The following TMEM45B variants were observed in gnomAD, a reference collection of about 807,000 sequenced individuals.
The protein encoded by TMEM45B is transmembrane protein 45B.
Under a neutral mutation model 27.3 loss-of-function variants are expected in TMEM45B, and 29 were observed. The observed-to-expected ratio is 1.06, with a 90% CI of 0.79 to 1.45. The LOEUF (loss-of-function observed/expected upper bound fraction) is 1.45. Ranked by LOEUF, TMEM45B falls within the 40% of genes most tolerant of loss-of-function variation. The pLI is 0.00. For synonymous variants in TMEM45B, 143 were observed against 134.7 expected (o/e 1.06, Z -0.43); for missense variants, 348 against 343.9 (o/e 1.01, Z -0.09).
chr11:129,827,311 A>G (rs1947497065), intron 1 of TMEM45B, among the ~76,000 whole-genome samples: 1 of 152,226 alleles, frequency 6.6e-6, no homozygotes, highest in South Asian at 2.1e-4. Context: ...CCTACTACAC[A>G]TCTAGGCTAT....
rs1429286603 is a variant in TMEM45B, at chr11:129,855,690, C to A, written c.386-18C>A. ...AAGCCAAGCGTAGCCCTGACAGCTG[C>A]CATCTGGTTTGTGGCAGGTTTCCTC... is the stretch of plus-strand genomic sequence containing the variant. On this transcript the variant is annotated intron_variant, in intron 3 of 5. Transcript: ENST00000281441. 3.7e-6 allele frequency: 6 copies of A among 1,613,400 alleles called. No homozygotes were observed. The African/African-American group carries it at 8.0e-5, about 22-fold the overall frequency.
chr11:129,854,933 C>T (rs1947900292), intron 3 of TMEM45B, 117 bp downstream of exon 3: 1 of 1,242,910 alleles, frequency 8.0e-7, no homozygotes, highest in Non-Finnish European at 1.1e-6. Flanking sequence ...AGAAAATCCA[C>T]ATCTCTGGAC....
intron 1 of TMEM45B, among the ~76,000 whole-genome samples, chr11:129,837,121 TGAAGGGA>T (rs1450655411): frequency 5.9e-5 from 9 of 152,080 alleles, no homozygotes; most frequent in Non-Finnish European, 8.8e-5. Context: ...CCTTTAGTCC[TGAAGGGA>T]GAAGAGAACA....
chr11:129,858,475 T>C lies in TMEM45B; in HGVS notation c.717-99T>C, dbSNP rs112860634. On this transcript the variant is annotated intron_variant, in intron 5 of 5. Transcript: ENST00000281441. ...GTAATCACAGTATTTGATAGAAATA[T>C]AAAGAAAATAGTTTAAGAATCAGTA... 1,740 of 742,782 alleles carry C rather than the reference T, an allele frequency of 2.3e-3. 22 individuals carry two copies. In the African/African-American group the frequency reaches 0.027, roughly 12 times the overall value. 46.0% of individuals were successfully genotyped at this position (742,782 alleles called of 1,614,324 possible).
At chr11:129,854,216 T>A (rs1350890892) in intron 2 of TMEM45B, among the ~76,000 whole-genome samples, 1 of 152,218 alleles carries the variant, frequency 6.6e-6, no homozygotes, top group Admixed American at 6.5e-5. Flanking sequence ...TGTTTCTGTC[T>A]GGGATTTCTT....
At chr11:129,837,585 C>CTTCTTTTTTTTTTTTTT (rs1947636930) in intron 1 of TMEM45B, among the ~76,000 whole-genome samples, 1 of 80,294 alleles carries the variant, frequency 1.2e-5, no homozygotes, top group African/African-American at 4.3e-5. Context: ...CTGCACTGGG[C>CTTCTTTTTTTTTTTTTT]TTTTTTTTTT....
chr11:129,857,275 AC>A (rs755942766), intron 4 of TMEM45B, 37 bp from the exon 5 acceptor site: 2 of 1,607,414 alleles, frequency 1.2e-6, no homozygotes, highest in African/African-American at 2.7e-5. Flanking sequence ...TCTCAGGACG[AC>A]CAACCACAAG....
intron 1 of TMEM45B, among the ~76,000 whole-genome samples, chr11:129,819,883 A>G (rs529002818): frequency 1.1e-4 from 17 of 152,198 alleles, no homozygotes; most frequent in African/African-American, 4.1e-4. Context: ...TAATAATAAT[A>G]ACAGCTTTTC....
At chr11:129,857,690 T>C (rs566156185) in intron 5 of TMEM45B, among the ~76,000 whole-genome samples, 1 of 152,264 alleles carries the variant, frequency 6.6e-6, no homozygotes, top group Non-Finnish European at 1.5e-5. Context: ...AGGTTTCAAA[T>C]GCAGGTCTCA....
At chr11:129,818,235 ATTCTC>A (rs1290795475) in intron 1 of TMEM45B, among the ~76,000 whole-genome samples, 6 of 152,214 alleles carry the variant, frequency 3.9e-5, no homozygotes, top group Admixed American at 3.9e-4. Flanking sequence ...TCTCTTTTCT[ATTCTC>A]TTGTGTAAAA....
chr11:129,836,233 C>T (rs1947618215), intron 1 of TMEM45B, among the ~76,000 whole-genome samples: 1 of 152,086 alleles, frequency 6.6e-6, no homozygotes, highest in African/African-American at 2.4e-5. Flanking sequence ...TGTCTATGCT[C>T]TGCCTGTCCT....
At position 129,858,651 on chromosome 11, in the gene TMEM45B, A is replaced by G. The variant is rs143243670; in HGVS notation, c.794A>G (p.Gln265Arg). Reference sequence around the variant, plus strand: ...AAGCTGAATTCAGATGACACTTACCAGACCGCCCTCTTGAGTGGCTCAGAT... The same window carrying G: ...AAGCTGAATTCAGATGACACTTACCGGACCGCCCTCTTGAGTGGCTCAGAT... ...IQKLNSDDTYQTALLSGSDEE is the reference protein window; with the variant it reads ...IQKLNSDDTYRTALLSGSDEE Residue 265 changes from glutamine (Q) to arginine (R), a missense_variant, in exon 6 of 6, where the codon CAG becomes CGG. By Grantham distance (43) the Gln-to-Arg change is conservative. Coordinates refer to ENST00000281441, the MANE Select transcript of TMEM45B (RefSeq NM_138788.5). The G allele has an allele frequency of 1.8e-4, 285 of 1,572,950 alleles. No individual in the cohort carries two copies. The highest frequency in any genetic ancestry group is 2.3e-4 in the Non-Finnish European group (270 of 1,157,674).
At chr11:129,854,153 C>G (rs1947887828) in intron 2 of TMEM45B, among the ~76,000 whole-genome samples, 1 of 152,198 alleles carries the variant, frequency 6.6e-6, no homozygotes, top group Admixed American at 6.5e-5. Flanking sequence ...TTGGCACGTA[C>G]AGGTATCTTC....
Position 129,852,338 on chromosome 11 carries a change from G to A in TMEM45B, c.-8-137G>A, listed in dbSNP as rs899195648. The stretch of plus-strand genomic sequence containing the variant: ...ACTTCAGTGACGTAACATAAGGCTT[G>A]TTTTATGAGAATGTGTTGATCCTTC... On this transcript the variant is annotated intron_variant, in intron 1 of 5. Coordinates refer to ENST00000281441, the MANE Select transcript of TMEM45B (RefSeq NM_138788.5). 16 of 770,436 alleles carry A rather than the reference G, an allele frequency of 2.1e-5. No individual in the cohort carries two copies. The African/African-American group carries it at 2.5e-4, about 12-fold the overall frequency. 47.7% of individuals were successfully genotyped at this position (770,436 alleles called of 1,614,324 possible).
chr11:129,844,875 T>C (rs1000279311), intron 1 of TMEM45B, among the ~76,000 whole-genome samples: 1 of 152,194 alleles, frequency 6.6e-6, no homozygotes, highest in East Asian at 1.9e-4. Flanking sequence ...ACCCTGAGTA[T>C]ATACAATTTT....
At chr11:129,836,059 A>G (rs1947615718) in intron 1 of TMEM45B, among the ~76,000 whole-genome samples, 1 of 152,080 alleles carries the variant, frequency 6.6e-6, no homozygotes, top group Admixed American at 6.5e-5. Context: ...CAGAGGGTGG[A>G]GTGAGCCAAA....
At chr11:129,817,360 G>A (rs1437488216) in intron 1 of TMEM45B, among the ~76,000 whole-genome samples, 2 of 152,216 alleles carry the variant, frequency 1.3e-5, no homozygotes, top group African/African-American at 4.8e-5. Context: ...CTTTGTGACA[G>A]TGAGCTTCTT....
chr11:129,850,737 C>A (rs147424892), intron 1 of TMEM45B: 8 of 152,282 alleles, frequency 5.3e-5, no homozygotes, highest in South Asian at 2.1e-4. Flanking sequence ...TGTTCATGAC[C>A]ACTTAGGCAA....
chr11:129,830,588 T>A (rs1279077130), intron 1 of TMEM45B, among the ~76,000 whole-genome samples: 1 of 152,150 alleles, frequency 6.6e-6, no homozygotes, highest in African/African-American at 2.4e-5. Context: ...ATATATCTGA[T>A]AAGAAACCTA....
Sources: gnomAD v4.1 joint callset for allele counts (sites outside exome capture counted in the v4.1 genomes callset) on GRCh38, gnomAD v4.1.1 for gene constraint, MANE v1.5 for transcripts, NCBI Gene and HGNC (gene_info 2026-07-23, HGNC 2026-07-21) for gene names.